The following CMYA5 variants were observed in gnomAD, a reference collection of about 807,000 sequenced individuals.
CMYA5 encodes the protein cardiomyopathy-associated protein 5.
CMYA5 carries 246 observed loss-of-function variants against 318.9 expected under a neutral mutation model. The observed-to-expected ratio is 0.77, with a 90% CI of 0.70 to 0.86. CMYA5 has a LOEUF of 0.86. CMYA5 is among the 40% of genes least tolerant of loss of function. CMYA5 has a pLI of 0.00. For missense variants in CMYA5, 4,589 were observed against 4,678.2 expected (o/e 0.98, Z 0.56); for synonymous variants, 1,641 against 1,729.5 (o/e 0.95, Z 1.27).
intron 5 of CMYA5, 25 bp from the exon 6 acceptor site, chr5:79,752,651 T>G (rs780305323): frequency 4.7e-6 from 7 of 1,503,368 alleles, no homozygotes; most frequent in African/African-American, 1.4e-5. Flanking sequence ...TTTTTTAACT[T>G]ATGTAGAGCT....
chr5:79,799,742 C>T lies in CMYA5; in HGVS notation c.*126C>T. On this transcript the variant is annotated 3_prime_UTR_variant, in exon 13 of 13. Transcript: ENST00000446378. Reference sequence around the variant, plus strand: ...CATTTGCACTAATGATGGCTGCATGCATAGCAATCAGCATGTGAGCAAAAT... The same window carrying T: ...CATTTGCACTAATGATGGCTGCATGTATAGCAATCAGCATGTGAGCAAAAT... 1 of 1,275,356 alleles carries T rather than the reference C, an allele frequency of 7.8e-7. No individual in the cohort carries two copies. Among genetic ancestry groups the T allele is most frequent in the Non-Finnish European group, 1.1e-6 (1 of 947,212 alleles). The allele number at this position is 1,275,356 out of a possible 1,614,324, so 79.0% of individuals were successfully genotyped here.
At chr5:79,773,543 A>G (rs1009076989) in intron 9 of CMYA5, among the ~76,000 whole-genome samples, 4 of 152,250 alleles carry the variant, frequency 2.6e-5, no homozygotes, top group Admixed American at 2.6e-4. Flanking sequence ...ACTAGCTCCA[A>G]AAATTGATCC....
chr5:79,735,670 A>T lies in CMYA5; in HGVS notation c.6905A>T (p.Asn2302Ile). 1 of 1,612,700 alleles carries T rather than the reference A, an allele frequency of 6.2e-7. No homozygotes were observed. The highest frequency in any genetic ancestry group is 1.3e-5 in the African/African-American group (1 of 74,972). Residue 2302 changes from asparagine to isoleucine, a missense_variant, in exon 2 of 13, where the codon AAC (asparagine) becomes ATC (isoleucine). By Grantham distance (149) the Asn-to-Ile change is moderately radical. Around this residue, in one of 3 missense-constraint regions of CMYA5, gnomAD observed 2,431 missense variants for 2,495.1 expected, o/e 0.97. Coordinates refer to ENST00000446378, the MANE Select transcript of CMYA5 (RefSeq NM_153610.5). ...ATCTCAGGCGATTCAGAGGAAATGA[A>T]CATAAACTCAGTAGTTACTTCTGCT... is the stretch of plus-strand genomic sequence containing the variant. ...KEISGDSEEM[N>I]INSVVTSADG...
At chr5:79,751,067 C>G (rs80018282) in intron 5 of CMYA5, among the ~76,000 whole-genome samples, 2,475 of 152,242 alleles carry the variant, frequency 0.016, 62 homozygotes, top group African/African-American at 0.058. Flanking sequence ...TCACTAGACC[C>G]TATGGGGTTC....
chr5:79,750,115 CAG>C (rs925799539), intron 5 of CMYA5, among the ~76,000 whole-genome samples: 3 of 151,784 alleles, frequency 2.0e-5, no homozygotes, highest in African/African-American at 7.3e-5. Context: ...TCCCCAGAAA[CAG>C]AGAAAAGTCA....
chr5:79,729,060 GA>G lies in CMYA5; in HGVS notation c.297del (p.Glu100LysfsTer15). ...TAGATCTTCTACTCCTTGGGCTTCA[GA>G]AGAAAGTCAGACTTCTGGTGTGTGT... Reference protein sequence around the residue: ...SSRSSTPWASEESQTSGVCSR... With the variant: ...SSRSSTPWASXESQTSGVCSR... On this transcript the variant is annotated frameshift_variant, in exon 2 of 13. Transcript: ENST00000446378. LOFTEE classifies it high-confidence loss of function. 6.2e-7 allele frequency: 1 copy of G among 1,613,988 alleles called. No individual in the cohort carries two copies. The highest frequency in any genetic ancestry group is 8.5e-7 in the Non-Finnish European group (1 of 1,179,876).
intron 1 of CMYA5, among the ~76,000 whole-genome samples, chr5:79,707,585 C>T (rs1244446425): frequency 6.6e-6 from 1 of 152,106 alleles, no homozygotes; most frequent in African/African-American, 2.4e-5. Flanking sequence ...ATTTGGACTT[C>T]ACAAGGTTAA....
At position 79,715,448 on chromosome 5, in the gene CMYA5, C is replaced by T. The variant is rs561896861; in HGVS notation, c.150-13467C>T. Among the ~76,000 whole-genome samples, 228 of 152,108 alleles carry T rather than the reference C, an allele frequency of 1.5e-3. 2 individuals carry two copies. The highest frequency in any genetic ancestry group is 7.1e-3 in the South Asian group (34 of 4,814). ...GACTACAGGCGCCCGCCACCACGCC[C>T]GGCTAATTTTTTGTATTTTTAGTAG... On this transcript the variant is annotated intron_variant, in intron 1 of 12. Transcript: ENST00000446378.
chr5:79,704,942 C>A (rs1316138983), intron 1 of CMYA5, among the ~76,000 whole-genome samples: 3 of 152,206 alleles, frequency 2.0e-5, no homozygotes, highest in Admixed American at 6.5e-5. Flanking sequence ...ACCACAAGTG[C>A]CTTAACCCCT....
chr5:79,727,001 C>T (rs551451957), intron 1 of CMYA5, among the ~76,000 whole-genome samples: 4 of 148,228 alleles, frequency 2.7e-5, no homozygotes, highest in South Asian at 4.2e-4. Flanking sequence ...CTGCAACCTC[C>T]GCCTCCTGGG....
chr5:79,690,796 TGTCA>T (rs1355639395), intron 1 of CMYA5, among the ~76,000 whole-genome samples: 16 of 152,186 alleles, frequency 1.1e-4, no homozygotes, highest in Non-Finnish European at 7.3e-5. Flanking sequence ...CCTGACTGTG[TGTCA>T]GTCAGTGATG....
intron 1 of CMYA5, among the ~76,000 whole-genome samples, chr5:79,714,860 C>T (rs12521548): frequency 0.45 from 68,531 of 151,982 alleles, 16,448 homozygotes; most frequent in African/African-American, 0.61. Context: ...AATTGTGTTA[C>T]TCTTCTTTAT....
chr5:79,705,383 T>A, intron 1 of CMYA5, among the ~76,000 whole-genome samples: 1 of 150,918 alleles, frequency 6.6e-6, no homozygotes. Flanking sequence ...GCCCAACATG[T>A]CCAGAAATAC....
At chr5:79,797,989 T>A (rs1364005317) in intron 12 of CMYA5, among the ~76,000 whole-genome samples, 1 of 152,160 alleles carries the variant, frequency 6.6e-6, no homozygotes, top group Admixed American at 6.5e-5. Flanking sequence ...CCAGTCCCCA[T>A]CATTGCTACC....
intron 6 of CMYA5, among the ~76,000 whole-genome samples, chr5:79,755,355 C>T (rs749342199): frequency 2.6e-5 from 4 of 152,166 alleles, no homozygotes; most frequent in Middle Eastern, 3.4e-3. Flanking sequence ...GGCACCATCT[C>T]GGCTCACTGC....
rs920367497 is a variant in CMYA5, at chr5:79,795,021, C to T, written c.11963+1411C>T. 9.2e-5 allele frequency among the ~76,000 whole-genome samples: 14 copies of T among 152,194 alleles called. 1 individual carries two copies. The highest frequency in any genetic ancestry group is 4.6e-4 in the Admixed American group (7 of 15,282). The stretch of plus-strand genomic sequence containing the variant: ...CTACATATTAATTTCATGAAAATGT[C>T]TGTACACCCTCAAATCTTTAAAAAG... On this transcript the variant is annotated intron_variant, in intron 12 of 12. Coordinates refer to ENST00000446378, the MANE Select transcript of CMYA5 (RefSeq NM_153610.5).
rs762754370 is a variant in CMYA5 at position 79,729,639 on chromosome 5, A to G, written c.874A>G (p.Ile292Val). Residue 292 changes from isoleucine (I) to valine (V), a missense_variant, in exon 2 of 13, where the codon ATA becomes GTA. By Grantham distance (29) the Ile-to-Val change is conservative. This residue lies in a region of CMYA5 where 2,132 missense variants were observed against 2,131.3 expected (regional missense o/e 1.00). Coordinates refer to ENST00000446378, the MANE Select transcript of CMYA5 (RefSeq NM_153610.5). ...AACACGCAAATTAGTAGCCCAAAGC[A>G]TAGAGGATAAAGTAAAAGAGGTTTT... Reference protein sequence around the residue: ...SKTRKLVAQSIEDKVKEVFPP... With the variant: ...SKTRKLVAQSVEDKVKEVFPP... The G allele has an allele frequency of 2.5e-6, 4 of 1,613,890 alleles. No individual in the cohort carries two copies. Among genetic ancestry groups the G allele is most frequent in the Non-Finnish European group, 3.4e-6 (4 of 1,179,852 alleles).
intron 1 of CMYA5, among the ~76,000 whole-genome samples, chr5:79,709,711 A>T (rs1827345828): frequency 6.6e-6 from 1 of 151,872 alleles, no homozygotes. Context: ...TAACTCCAGC[A>T]CTTTGGGAGG....
In CMYA5 at chr5:79,731,647, C is replaced by A; in HGVS notation, c.2882C>A (p.Ala961Glu). Residue 961 changes from alanine (A) to glutamate (E), a missense_variant, in exon 2 of 13, where the codon GCA becomes GAA. Ala to Glu is a moderately radical substitution (Grantham distance 107). This residue lies in a region of CMYA5 where 2,132 missense variants were observed against 2,131.3 expected (regional missense o/e 1.00). Transcript: ENST00000446378. ...FVSEFSFPPY[A>E]TQEAEKREFE... The stretch of plus-strand genomic sequence containing the variant: ...TCAGAATTCTCATTTCCACCGTATG[C>A]AACCCAGGAAGCAGAGAAAAGAGAA... The A allele has an allele frequency of 6.2e-7, 1 of 1,613,862 alleles. No homozygotes were observed. Among genetic ancestry groups the A allele is most frequent in the South Asian group, 1.1e-5 (1 of 91,072 alleles).
Sources: allele counts gnomAD v4.1 joint callset (sites outside exome capture counted in the v4.1 genomes callset), GRCh38; gene constraint gnomAD v4.1.1; regional missense constraint gnomAD v4.1.1; transcripts MANE v1.5; gene names NCBI Gene and HGNC (gene_info 2026-07-23, HGNC 2026-07-21).